Variants in STRADA observed in about 807,000 individuals in gnomAD.
STRADA encodes the protein STE20 related adaptor alpha.
In STRADA, 26 loss-of-function variants were observed where a neutral mutation model predicts 55.0. The observed-to-expected ratio is 0.47, with a 90% CI of 0.35 to 0.66. The LOEUF (loss-of-function observed/expected upper bound fraction) is 0.66. Among genes scored for constraint, STRADA ranks in the 30% least tolerant of loss-of-function variants. The probability of loss-of-function intolerance (pLI) is 0.01; values close to 1 mark genes in which losing one functional copy is unlikely to be tolerated. For missense variants in STRADA, 443 were observed against 549.7 expected (o/e 0.81, Z 1.94); for synonymous variants, 197 against 210.9 (o/e 0.93, Z 0.57).
At chr17:63,713,147 G>A (rs1366549793) in intron 6 of STRADA, among the ~76,000 whole-genome samples, 3 of 152,274 alleles carry the variant, frequency 2.0e-5, no homozygotes, top group Non-Finnish European at 1.5e-5. Flanking sequence ...CCATGAGCAA[G>A]TTACTTAGCT....
intron 4 of STRADA, among the ~76,000 whole-genome samples, chr17:63,720,795 A>G (rs1397747344): frequency 6.7e-6 from 1 of 148,836 alleles, no homozygotes; most frequent in Non-Finnish European, 1.5e-5. Flanking sequence ...AAAAAAGTAA[A>G]AAAAGAAAAT....
At chr17:63,717,469 G>A (rs144795903) in intron 4 of STRADA, among the ~76,000 whole-genome samples, 2,484 of 151,054 alleles carry the variant, frequency 0.016, 60 homozygotes, top group African/African-American at 0.058. Context: ...CACCATGCCC[G>A]GCTAAGTTTA....
intron 1 of STRADA, among the ~76,000 whole-genome samples, chr17:63,740,153 C>CACATATATATAT (rs2038828324): frequency 1.0e-4 from 9 of 86,270 alleles, no homozygotes; most frequent in Non-Finnish European, 1.4e-4. Context: ...TATATACACA[C>CACATATATATAT]ACACACACAC....
chr17:63,713,516 CA>C lies in STRADA; in HGVS notation c.237del (p.Phe79LeufsTer4). On this transcript the variant is annotated frameshift_variant, in exon 6 of 13. Coordinates refer to ENST00000336174, the MANE Select transcript of STRADA (RefSeq NM_001003787.4). LOFTEE classifies it high-confidence loss of function. ...YELLTVIGKGFEDLMTVNLAR... is the reference protein window; with the variant it reads ...YELLTVIGKGXEDLMTVNLAR... ...GCTAGATTCACAGTCATCAGGTCCT[CA>C]AATCCTTTGCCTAAAAGAAAAAGGG... 1 of 1,613,900 alleles carries C rather than the reference CA, an allele frequency of 6.2e-7. No individual in the cohort carries two copies. Among genetic ancestry groups the C allele is most frequent in the Non-Finnish European group, 8.5e-7 (1 of 1,179,966 alleles).
chr17:63,703,782 T>A (rs577422322), intron 12 of STRADA, 31 bp from the exon 13 acceptor site: 2 of 1,611,658 alleles, frequency 1.2e-6, no homozygotes, highest in East Asian at 2.2e-5. Flanking sequence ...GGGTGACAGA[T>A]CCTGTTGCTC....
At chr17:63,730,525 A>C (rs1413004416) in intron 1 of STRADA, among the ~76,000 whole-genome samples, 1 of 151,184 alleles carries the variant, frequency 6.6e-6, no homozygotes, top group East Asian at 2.0e-4. Flanking sequence ...CCTCCTGAGT[A>C]GCTGGAACTA....
At chr17:63,704,159 T>G in intron 11 of STRADA, 112 bp from the exon 12 acceptor site, 1 of 1,529,114 alleles carries the variant, frequency 6.5e-7, no homozygotes, top group Non-Finnish European at 8.8e-7. Flanking sequence ...CCTCAGCTCA[T>G]GGGAAGCAGT....
At chr17:63,717,026 G>C (rs2036934539) in intron 4 of STRADA, 1 of 152,202 alleles carries the variant, frequency 6.6e-6, no homozygotes, top group Non-Finnish European at 1.5e-5. Context: ...CCATCTCATA[G>C]TGTTGTATCT....
chr17:63,728,414 C>A lies in STRADA; in HGVS notation c.-44-1G>T. The A allele has an allele frequency of 6.5e-7, 1 of 1,547,652 alleles. No individual in the cohort carries two copies. On this transcript the variant is annotated splice_acceptor_variant, in intron 1 of 12. Coordinates refer to ENST00000336174, the MANE Select transcript of STRADA (RefSeq NM_001003787.4). LOFTEE classifies it low-confidence loss of function (5UTR_SPLICE). The stretch of plus-strand genomic sequence containing the variant: ...CTACTTCAGTTTCAAAAACTTAAAC[C>A]TAAAAGGAAAATAGAAACAGGTTGA...
intron 4 of STRADA, among the ~76,000 whole-genome samples, chr17:63,718,069 T>G (rs576006766): frequency 8.5e-4 from 129 of 152,202 alleles, no homozygotes; most frequent in Middle Eastern, 3.4e-3. Flanking sequence ...ACTACAGGCA[T>G]GTGCCACCAC....
At chr17:63,708,866 T>C (rs1043071480) in intron 8 of STRADA, among the ~76,000 whole-genome samples, 4 of 152,214 alleles carry the variant, frequency 2.6e-5, no homozygotes, top group Non-Finnish European at 5.9e-5. Context: ...CGAATGCTTT[T>C]AATCTGTACT....
intron 1 of STRADA, among the ~76,000 whole-genome samples, chr17:63,735,713 T>C (rs1193264048): frequency 6.6e-6 from 1 of 152,208 alleles, no homozygotes; most frequent in Admixed American, 6.5e-5. Flanking sequence ...ATAAGGGTGC[T>C]GTCTCAGGAA....
At chr17:63,739,878 C>T (rs1200064424) in intron 1 of STRADA, among the ~76,000 whole-genome samples, 1 of 136,668 alleles carries the variant, frequency 7.3e-6, no homozygotes, top group African/African-American at 3.2e-5. Context: ...GGGACGGCTG[C>T]TCCGACGAAG....
At chr17:63,713,345 T>C (rs2059452562) in intron 6 of STRADA, 61 bp downstream of exon 6, 2 of 1,586,260 alleles carry the variant, frequency 1.3e-6, no homozygotes. Context: ...TAATTCCTTG[T>C]AATTCCTATC....
chr17:63,722,698 T>A (rs1407502885), intron 4 of STRADA, among the ~76,000 whole-genome samples: 6 of 152,242 alleles, frequency 3.9e-5, no homozygotes, highest in African/African-American at 1.4e-4. Flanking sequence ...CACTGATTCA[T>A]ATATTCCAAA....
rs867418985 is a variant in STRADA, at chr17:63,736,068, A to T, written c.-45+5673T>A. On this transcript the variant is annotated intron_variant, in intron 1 of 12. Coordinates refer to ENST00000336174, the MANE Select transcript of STRADA (RefSeq NM_001003787.4). Reference sequence around the variant, plus strand: ...GGGATTCTCCTGCCTCAGCCTCCGGAGTAGCTGGGATTACTGGCATGTGCC... The same window carrying T: ...GGGATTCTCCTGCCTCAGCCTCCGGTGTAGCTGGGATTACTGGCATGTGCC... Among the ~76,000 whole-genome samples, 9 of 152,032 alleles carry T rather than the reference A, an allele frequency of 5.9e-5. No homozygotes were observed. The South Asian group carries it at 1.9e-3, about 32-fold the overall frequency.
intron 10 of STRADA, 145 bp downstream of exon 10, chr17:63,706,490 C>A (rs2036098970): frequency 3.0e-6 from 2 of 666,958 alleles, no homozygotes; most frequent in East Asian, 2.6e-5. Flanking sequence ...AGGTCACTAT[C>A]CCCCACTGGG....
intron 2 of STRADA, 162 bp from the exon 3 acceptor site, chr17:63,726,857 T>G: frequency 1.5e-6 from 1 of 645,368 alleles, no homozygotes; most frequent in Non-Finnish European, 2.7e-6. Context: ...AATCTTGAAC[T>G]AAAAACAAGA....
chr17:63,732,010 G>A (rs560348039), intron 1 of STRADA, among the ~76,000 whole-genome samples: 3 of 151,834 alleles, frequency 2.0e-5, no homozygotes, highest in Non-Finnish European at 2.9e-5. Context: ...GACTACAGGC[G>A]CCCGCCACCA....
Sources: allele counts gnomAD v4.1 joint callset (sites outside exome capture counted in the v4.1 genomes callset), GRCh38; gene constraint gnomAD v4.1.1; transcripts MANE v1.5; gene names NCBI Gene and HGNC (gene_info 2026-07-23, HGNC 2026-07-21).